Variants in DLG2 observed in about 807,000 individuals in gnomAD.
The protein encoded by DLG2 is disks large homolog 2.
In DLG2, 45 loss-of-function variants were observed where a neutral mutation model predicts 132.5. The ratio of observed to expected loss-of-function variants is 0.34; its 90% CI spans 0.27 to 0.44. DLG2 has a LOEUF of 0.44. DLG2 is among the 20% of genes least tolerant of loss of function. The pLI, the probability that DLG2 is intolerant of heterozygous loss-of-function variation, is 1.00. For missense variants in DLG2, 1,045 were observed against 1,196.9 expected (o/e 0.87, Z 1.87); for synonymous variants, 424 against 419.6 (o/e 1.01, Z -0.13).
At chr11:83,882,317 T>C (rs1251188438) in intron 15 of DLG2, among the ~76,000 whole-genome samples, 1 of 152,162 alleles carries the variant, frequency 6.6e-6, no homozygotes, top group Non-Finnish European at 1.5e-5. Flanking sequence ...AAATTAAAAG[T>C]GTGGATGACT....
intron 3 of DLG2, among the ~76,000 whole-genome samples, chr11:85,315,674 C>T (rs2080616086): frequency 6.6e-6 from 1 of 152,060 alleles, no homozygotes. Context: ...GTTAAGGCAG[C>T]TCTCATGCTT....
intron 3 of DLG2, among the ~76,000 whole-genome samples, chr11:85,404,952 C>G (rs1161369709): frequency 6.6e-6 from 1 of 151,932 alleles, no homozygotes; most frequent in Non-Finnish European, 1.5e-5. Flanking sequence ...CTTGGACAGT[C>G]AGGAGGTTCT....
chr11:85,006,437 C>T (rs1379858419), intron 6 of DLG2, among the ~76,000 whole-genome samples: 1 of 152,128 alleles, frequency 6.6e-6, no homozygotes, highest in African/African-American at 2.4e-5. Flanking sequence ...GACACAACTT[C>T]TTCCTGGTTA....
At chr11:85,486,291 A>G (rs2093427453) in intron 3 of DLG2, among the ~76,000 whole-genome samples, 1 of 151,900 alleles carries the variant, frequency 6.6e-6, no homozygotes, top group Non-Finnish European at 1.5e-5. Context: ...TGCATTCCCC[A>G]AAGCTTCTTG....
intron 11 of DLG2, among the ~76,000 whole-genome samples, chr11:84,043,178 AT>A (rs1255128660): frequency 2.6e-5 from 4 of 151,370 alleles, no homozygotes; most frequent in African/African-American, 9.7e-5. Flanking sequence ...TATTAATTAA[AT>A]TTATTGCTTA....
At chr11:83,719,911 T>A (rs2087878447) in intron 18 of DLG2, among the ~76,000 whole-genome samples, 1 of 152,124 alleles carries the variant, frequency 6.6e-6, no homozygotes, top group Non-Finnish European at 1.5e-5. Flanking sequence ...ACAGACTGGA[T>A]AACTTCCATC....
intron 3 of DLG2, among the ~76,000 whole-genome samples, chr11:85,470,289 A>C (rs1384150752): frequency 1.3e-5 from 2 of 151,914 alleles, no homozygotes; most frequent in Non-Finnish European, 2.9e-5. Context: ...TGGCCCATTG[A>C]TATCACTAGG....
intron 6 of DLG2, among the ~76,000 whole-genome samples, chr11:84,940,104 G>C (rs1486943600): frequency 6.6e-6 from 1 of 152,052 alleles, no homozygotes; most frequent in South Asian, 2.1e-4. Flanking sequence ...CCTAGTTTTT[G>C]GATAAAAGCC....
chr11:83,829,299 C>T (rs975814598), intron 17 of DLG2, among the ~76,000 whole-genome samples: 4 of 151,196 alleles, frequency 2.6e-5, no homozygotes, highest in Admixed American at 6.6e-5. Context: ...TGGGTTCAAC[C>T]GATTCTCCTG....
intron 7 of DLG2, among the ~76,000 whole-genome samples, chr11:84,360,174 T>C (rs2098641402): frequency 6.6e-6 from 1 of 151,678 alleles, no homozygotes. Context: ...TATGAGAAGA[T>C]GAGAGAGAAA....
chr11:84,423,821 TA>T lies in DLG2; in HGVS notation c.519+110748del, dbSNP rs141718415. Among the ~76,000 whole-genome samples the T allele has an allele frequency of 8.6e-3, 1,313 of 152,284 alleles. 13 individuals carry two copies. Among genetic ancestry groups the T allele is most frequent in the Middle Eastern group, 0.058 (17 of 294 alleles). On this transcript the variant is annotated intron_variant, in intron 7 of 27. Transcript: ENST00000376104. ...AATAGGTGTGACATGAAAACATACATAGGCAATACACATTCAAGAACATACA... is the reference window on the plus strand; with the variant it reads ...AATAGGTGTGACATGAAAACATACATGGCAATACACATTCAAGAACATACA...
At chr11:85,407,091 G>A (rs1354524130) in intron 3 of DLG2, among the ~76,000 whole-genome samples, 2 of 151,798 alleles carry the variant, frequency 1.3e-5, no homozygotes, top group Non-Finnish European at 2.9e-5. Flanking sequence ...TGACCAGTAT[G>A]CCTAGATTAG....
In DLG2 at chr11:84,754,552, A is replaced by T. The variant is rs75064091; in HGVS notation, c.358-219821T>A. 7.3e-3 allele frequency among the ~76,000 whole-genome samples: 1,116 copies of T among 152,342 alleles called. 15 individuals are homozygous for T. Among genetic ancestry groups the T allele is most frequent in the African/African-American group, 0.024 (1,018 of 41,580 alleles). On this transcript the variant is annotated intron_variant, in intron 6 of 27. Transcript: ENST00000376104. ...TATATTTTATAGGGAAGTTAAGTTC[A>T]TGAGGATCCTGGTTGTAAAAAATAA...
chr11:84,112,259 A>C (rs2154193427), intron 9 of DLG2, among the ~76,000 whole-genome samples: 1 of 150,040 alleles, frequency 6.7e-6, no homozygotes, highest in South Asian at 2.1e-4. Flanking sequence ...CGGCCTCCCC[A>C]AGTACTGGGA....
chr11:83,503,193 G>A (rs2094520341), intron 21 of DLG2, among the ~76,000 whole-genome samples: 1 of 151,238 alleles, frequency 6.6e-6, no homozygotes, highest in Admixed American at 6.6e-5. Flanking sequence ...GGACATGTGA[G>A]CTAAATATTA....
At chr11:85,261,340 C>A (rs2076930058) in intron 4 of DLG2, among the ~76,000 whole-genome samples, 1 of 152,014 alleles carries the variant, frequency 6.6e-6, no homozygotes, top group Non-Finnish European at 1.5e-5. Flanking sequence ...TACCTGAGGC[C>A]CCTTCCTCAT....
In DLG2 at chr11:83,770,661, C is replaced by CA. The variant is rs1287740631; in HGVS notation, c.1825+16028dup. On this transcript the variant is annotated intron_variant, in intron 18 of 27. Coordinates refer to ENST00000376104, the MANE Select transcript of DLG2 (RefSeq NM_001142699.3). ...AGCTCTTGTTTTATAAAATAATATA[C>CA]ATTATGCTTAAAAGCCAGATATTAT... 3.3e-5 allele frequency among the ~76,000 whole-genome samples: 5 copies of CA among 151,972 alleles called. No individual in the cohort carries two copies. In the East Asian group the frequency reaches 7.7e-4, roughly 23 times the overall value.
chr11:85,268,890 C>T (rs747928550), intron 4 of DLG2, among the ~76,000 whole-genome samples: 1 of 152,000 alleles, frequency 6.6e-6, no homozygotes, highest in Non-Finnish European at 1.5e-5. Context: ...GTATATTTGC[C>T]CTGTGGTTTC....
intron 6 of DLG2, among the ~76,000 whole-genome samples, chr11:84,661,088 T>G (rs930633553): frequency 1.3e-5 from 2 of 152,324 alleles, no homozygotes; most frequent in Non-Finnish European, 2.9e-5. Context: ...ATGACTTTGT[T>G]ACCATATACG....
Sources: gnomAD v4.1 joint callset for allele counts (sites outside exome capture counted in the v4.1 genomes callset) on GRCh38, gnomAD v4.1.1 for gene constraint, MANE v1.5 for transcripts, NCBI Gene and HGNC (gene_info 2026-07-23, HGNC 2026-07-21) for gene names.